KCNT1: variants seen among roughly 807,000 people sequenced by gnomAD.
KCNT1 encodes potassium channel subfamily T member 1.
Under a neutral mutation model 147.8 loss-of-function variants are expected in KCNT1, and 78 were observed. The ratio of observed to expected loss-of-function variants is 0.53; its 90% CI spans 0.44 to 0.64. KCNT1 has a LOEUF of 0.64. KCNT1 is among the 30% of genes least tolerant of loss of function. The pLI, the probability that KCNT1 is intolerant of heterozygous loss-of-function variation, is 0.00. For synonymous variants in KCNT1, 867 were observed against 748.8 expected, an observed-to-expected ratio of 1.16 and a Z score of -2.58; for missense variants, 1,419 against 1,750.3, an observed-to-expected ratio of 0.81 and a Z score of 3.38.
rs367919217 is a variant in KCNT1, at chr9:135,742,604, G to A, written c.255-7494G>A. ...CCGTGCCCGGGGGCGCCAAAGGTCC[G>A]GGCCCCCCAGAGCCTCCCTGCGTGT... On this transcript the variant is annotated intron_variant, in intron 2 of 30. Coordinates refer to ENST00000371757, the MANE Select transcript of KCNT1 (RefSeq NM_020822.3). 9.3e-4 allele frequency among the ~76,000 whole-genome samples: 122 copies of A among 130,652 alleles called. 1 individual carries two copies. Among genetic ancestry groups the A allele is most frequent in the African/African-American group, 2.8e-3 (103 of 36,546 alleles). The allele number at this position is 130,652 out of a possible 152,430, so 85.7% of individuals were successfully genotyped here.
intron 15 of KCNT1, among the ~76,000 whole-genome samples, 166 bp downstream of exon 15, chr9:135,769,103 G>A (rs1243907158): frequency 1.5e-5 from 2 of 129,542 alleles, no homozygotes; most frequent in Non-Finnish European, 3.3e-5. Context: ...GGCAGGATGC[G>A]TGTGCACACG....
At chr9:135,725,391 G>A (rs995736380) in intron 2 of KCNT1, among the ~76,000 whole-genome samples, 15 of 152,218 alleles carry the variant, frequency 9.9e-5, no homozygotes, top group African/African-American at 3.6e-4. Context: ...TGACTTATAC[G>A]AAGAGAAGGA....
At chr9:135,770,489 G>C in intron 17 of KCNT1, 42 bp downstream of exon 17, 1 of 1,575,902 alleles carries the variant, frequency 6.3e-7, no homozygotes, top group Non-Finnish European at 8.6e-7. Context: ...CTCCAGGGCT[G>C]CTCTGCTCTG....
intron 20 of KCNT1, among the ~76,000 whole-genome samples, chr9:135,775,764 G>A (rs1833126069): frequency 6.6e-6 from 1 of 152,080 alleles, no homozygotes; most frequent in Non-Finnish European, 1.5e-5. Context: ...ATTAGGACAG[G>A]GACCCCGGCC....
rs139034501 is a variant in KCNT1 at position 135,702,288 on chromosome 9, G to T, written c.30G>T (p.Pro10=). 1.9e-6 allele frequency: 3 copies of T among 1,608,608 alleles called. No individual in the cohort carries two copies. The highest frequency in any genetic ancestry group is 2.5e-6 in the Non-Finnish European group (3 of 1,177,766). The change falls in exon 1 of 31, where the codon CCG becomes CCT. Residue 10 remains proline, a synonymous_variant. Coordinates refer to ENST00000371757, the MANE Select transcript of KCNT1 (RefSeq NM_020822.3). MPLPDGART[P]GGVCREARGG... Reference sequence around the variant, plus strand: ...CACTCCCTGACGGGGCGCGGACCCCGGGGGGCGTCTGCCGGGAGGCGCGCG... The same window carrying T: ...CACTCCCTGACGGGGCGCGGACCCCTGGGGGCGTCTGCCGGGAGGCGCGCG...
intron 6 of KCNT1, among the ~76,000 whole-genome samples, 198 bp from the exon 7 acceptor site, chr9:135,756,675 C>T (rs921256970): frequency 6.6e-6 from 1 of 152,154 alleles, no homozygotes; most frequent in African/African-American, 2.4e-5. Context: ...GGTTTCAAGA[C>T]TCCATCTGCC....
In KCNT1 at chr9:135,764,964, G is replaced by T. The variant is rs570323788; in HGVS notation, c.1036-67G>T. 20 of 1,527,972 alleles carry T rather than the reference G, an allele frequency of 1.3e-5. No homozygotes were observed. In the African/African-American group the frequency reaches 2.3e-4, roughly 18 times the overall value. 94.7% of individuals were successfully genotyped at this position (1,527,972 alleles called of 1,614,324 possible). A position where few individuals can be genotyped will look rare whatever the true frequency, so the allele number is the denominator to read the frequency against. ...ACAGACAGTCGTGTGTCAGGGCCCA[G>T]GTTCTTCACCGGGAGCCCTCGCTCC... On this transcript the variant is annotated intron_variant, in intron 11 of 30. Transcript: ENST00000371757.
chr9:135,722,302 G>A (rs927578591), intron 2 of KCNT1, among the ~76,000 whole-genome samples: 7 of 152,222 alleles, frequency 4.6e-5, no homozygotes, highest in African/African-American at 1.7e-4. Context: ...CCCTGGGGCC[G>A]GCACAGCGGG....
intron 11 of KCNT1, among the ~76,000 whole-genome samples, chr9:135,760,914 C>T (rs953262528): frequency 1.6e-4 from 25 of 152,222 alleles, no homozygotes; most frequent in African/African-American, 5.5e-4. Flanking sequence ...CGCTGATGAG[C>T]GAGTCTCTGT....
At chr9:135,721,065 C>T (rs1273738358) in intron 2 of KCNT1, among the ~76,000 whole-genome samples, 1 of 152,184 alleles carries the variant, frequency 6.6e-6, no homozygotes, top group African/African-American at 2.4e-5. Flanking sequence ...AGTCGGGGAA[C>T]CATGCAGGGT....
chr9:135,731,991 T>TATATAGAGAGAGAG (rs1276318460), intron 2 of KCNT1, among the ~76,000 whole-genome samples: 26 of 21,712 alleles, frequency 1.2e-3, no homozygotes, highest in East Asian at 2.3e-3. Flanking sequence ...TATATATATA[T>TATATAGAGAGAGAG]AGAGAGAGAG....
chr9:135,774,670 G>A (rs1026159456), intron 19 of KCNT1, among the ~76,000 whole-genome samples: 3 of 152,124 alleles, frequency 2.0e-5, no homozygotes, highest in African/African-American at 7.2e-5. Flanking sequence ...TATGTTATGT[G>A]TCCGTGCACG....
chr9:135,754,984 G>C, intron 5 of KCNT1, 137 bp from the exon 6 acceptor site: 1 of 660,946 alleles, frequency 1.5e-6, no homozygotes, highest in Non-Finnish European at 2.4e-6. Context: ...GGCAAGGTAG[G>C]CTCCTTTGGT....
chr9:135,788,015 C>CCCTG, intron 29 of KCNT1: 1 of 1,024,974 alleles, frequency 9.8e-7, no homozygotes, highest in Non-Finnish European at 1.5e-6. Context: ...CTGCACCCGC[C>CCCTG]CACTGTGCCG....
rs560266245 is a variant in KCNT1 at position 135,720,073 on chromosome 9, G to A, written c.254+5353G>A. On this transcript the variant is annotated intron_variant, in intron 2 of 30. Coordinates refer to ENST00000371757, the MANE Select transcript of KCNT1 (RefSeq NM_020822.3). Reference sequence around the variant, plus strand: ...CCTGCGTGGAGGATGGACCCCTGCCGGCCCCACAGGCAGCAACTGTGGATG... The same window carrying A: ...CCTGCGTGGAGGATGGACCCCTGCCAGCCCCACAGGCAGCAACTGTGGATG... Among the ~76,000 whole-genome samples, 5 of 152,218 alleles carry A rather than the reference G, an allele frequency of 3.3e-5. No homozygotes were observed. The South Asian group carries it at 6.2e-4, about 19-fold the overall frequency.
At position 135,770,903 on chromosome 9, in the gene KCNT1, A is replaced by G. The variant is rs148403214; in HGVS notation, c.1816A>G (p.Ile606Val). 1.9e-6 allele frequency: 3 copies of G among 1,604,508 alleles called. No homozygotes were observed. Among genetic ancestry groups the G allele is most frequent in the Non-Finnish European group, 2.6e-6 (3 of 1,175,368 alleles). The change falls in exon 18 of 31, where the codon ATC becomes GTC. Residue 606 changes from isoleucine (I) to valine (V), a missense_variant. Coordinates refer to ENST00000371757, the MANE Select transcript of KCNT1 (RefSeq NM_020822.3). ...IGLKREDNKSILLNPGPRHIL... is the reference protein window; with the variant it reads ...IGLKREDNKSVLLNPGPRHIL... ...GCTGAAGCGGGAGGACAACAAGAGC[A>G]TCCTGCTGAACCCGGGGCCCCGGCA...
intron 2 of KCNT1, among the ~76,000 whole-genome samples, chr9:135,733,580 C>T (rs1296916773): frequency 5.2e-5 from 4 of 77,176 alleles, no homozygotes; most frequent in Admixed American, 1.4e-4. Context: ...TCACACCTGC[C>T]CCCACACCTG....
intron 2 of KCNT1, among the ~76,000 whole-genome samples, chr9:135,732,693 C>T (rs1293855324): frequency 6.6e-6 from 1 of 151,928 alleles, no homozygotes; most frequent in Non-Finnish European, 1.5e-5. Flanking sequence ...GAACTTCCTT[C>T]TTCTCTGGGT....
intron 18 of KCNT1, 101 bp downstream of exon 18, chr9:135,771,196 G>T: frequency 1.8e-6 from 2 of 1,114,046 alleles, no homozygotes; most frequent in Non-Finnish European, 2.6e-6. Flanking sequence ...AGACCAGGCA[G>T]GACAGGGGGA....
Sources: allele counts gnomAD v4.1 joint callset (sites outside exome capture counted in the v4.1 genomes callset), GRCh38; gene constraint gnomAD v4.1.1; transcripts MANE v1.5; gene names NCBI Gene and HGNC (gene_info 2026-07-23, HGNC 2026-07-21).